Variants in GP2 observed in about 807,000 individuals in gnomAD.
GP2 encodes the protein glycoprotein 2, also known as pancreatic secretory granule membrane major glycoprotein GP2.
Under a neutral mutation model 60.8 loss-of-function variants are expected in GP2, and 58 were observed. The observed-to-expected ratio is 0.95, with a 90% CI of 0.77 to 1.19. The LOEUF (loss-of-function observed/expected upper bound fraction) is 1.19, where lower values mean the gene tolerates loss of function less well. GP2 is among the 50% of genes most tolerant of loss of function. The probability of loss-of-function intolerance (pLI) is 0.00; values close to 1 mark genes in which losing one functional copy is unlikely to be tolerated. For synonymous variants in GP2, 280 were observed against 253.4 expected, an observed-to-expected ratio of 1.10 and a Z score of -1.00; for missense variants, 647 against 667.4, an observed-to-expected ratio of 0.97 and a Z score of 0.34.
chr16:20,321,252 G>T (rs1379967590), intron 4 of GP2, among the ~76,000 whole-genome samples: 3 of 151,868 alleles, frequency 2.0e-5, no homozygotes, highest in Non-Finnish European at 4.4e-5. Context: ...TATAAAGATG[G>T]GGTTTTGCCA....
rs1284682747 is a variant in GP2 at position 20,323,989 on chromosome 16, A to T, written c.362T>A (p.Leu121Gln). Residue 121 changes from leucine to glutamine, a missense_variant, in exon 3 of 11, where the codon CTG becomes CAG. By Grantham distance (113) the Leu-to-Gln change is moderately radical. Transcript: ENST00000302555. The stretch of plus-strand genomic sequence containing the variant: ...CCCAAGGGCAGGGTGGGTCCCATTC[A>T]GCCACATGGGAGCGTCTGTCTGGCA... ...HRCQTDAPMW[L>Q]NGTHPALGDG... 1.2e-6 allele frequency: 2 copies of T among 1,613,966 alleles called. No individual in the cohort carries two copies. The highest frequency in any genetic ancestry group is 1.3e-5 in the African/African-American group (1 of 74,936).
intron 3 of GP2, chr16:20,323,483 G>GT (rs34997880): frequency 4.1e-4 from 261 of 631,228 alleles, no homozygotes; most frequent in African/African-American, 3.0e-3. Flanking sequence ...TATTTTTGCT[G>GT]TACCCCCCCC....
rs184051025 is a variant in GP2 at position 20,321,899 on chromosome 16, T to C, written c.646+970A>G. Among the ~76,000 whole-genome samples, 36 of 152,220 alleles carry C rather than the reference T, an allele frequency of 2.4e-4. 1 individual carries two copies. The highest frequency in any genetic ancestry group is 7.7e-4 in the African/African-American group (32 of 41,546). On this transcript the variant is annotated intron_variant, in intron 4 of 10. Transcript: ENST00000302555. ...CAGCTGAGACTGTCCTTGGAGCCCATCCAGGTACAGGGAGGGCCTCCTTAA... is the reference window on the plus strand; with the variant it reads ...CAGCTGAGACTGTCCTTGGAGCCCACCCAGGTACAGGGAGGGCCTCCTTAA...
At chr16:20,325,184 C>A (rs966362987) in intron 2 of GP2, among the ~76,000 whole-genome samples, 2 of 152,194 alleles carry the variant, frequency 1.3e-5, no homozygotes, top group South Asian at 2.1e-4. Flanking sequence ...GGCTGGGTGA[C>A]CTTGGCAGGT....
intron 8 of GP2, 63 bp downstream of exon 8, chr16:20,317,150 A>G: frequency 4.2e-6 from 2 of 474,578 alleles, no homozygotes; most frequent in Non-Finnish European, 3.3e-6. Context: ...TATATATGGA[A>G]AGCCTATCAG....
intron 6 of GP2, among the ~76,000 whole-genome samples, chr16:20,319,087 A>C (rs184458507): frequency 3.2e-4 from 49 of 152,156 alleles, no homozygotes; most frequent in African/African-American, 1.1e-3. Context: ...ATCTGATGCT[A>C]TTTCTGCTGG....
chr16:20,310,904 C>G lies in GP2; in HGVS notation c.*319G>C. The G allele has an allele frequency of 4.6e-6, 1 of 218,840 alleles. No individual in the cohort carries two copies. Among genetic ancestry groups the G allele is most frequent in the Non-Finnish European group, 9.2e-6 (1 of 108,206 alleles). The allele number at this position is 218,840 out of a possible 1,614,324, so 13.6% of individuals were successfully genotyped here. A position where few individuals can be genotyped will look rare whatever the true frequency, so the allele number is the denominator to read the frequency against. On this transcript the variant is annotated 3_prime_UTR_variant, in exon 11 of 11. Transcript: ENST00000302555. ...CCCGAGTAGCTGGGATTACAGGCGC[C>G]TGCCACCATGCCTGGCTAATTTTTG...
At chr16:20,327,293 G>C (rs1964561427) in intron 1 of GP2, 174 bp downstream of exon 1, 2 of 360,958 alleles carry the variant, frequency 5.5e-6, no homozygotes, top group Non-Finnish European at 1.1e-5. Flanking sequence ...CAGATGACTG[G>C]AAGCATGACT....
In GP2 at chr16:20,320,321, TCTC is replaced by T; in HGVS notation, c.796_798del (p.Glu266del). On this transcript the variant is annotated inframe_deletion, in exon 5 of 11. Transcript: ENST00000302555. ...GGGCTGGTCACAGATACCCAGTTCC[TCTC>T]CTCTGTCTGCAAGATGCTGCTGCAG... is the stretch of plus-strand genomic sequence containing the variant. 6.2e-7 allele frequency: 1 copy of T among 1,614,132 alleles called. No individual in the cohort carries two copies. Among genetic ancestry groups the T allele is most frequent in the Non-Finnish European group, 8.5e-7 (1 of 1,180,002 alleles).
chr16:20,326,866 C>A (rs898850221), intron 1 of GP2: 19 of 173,866 alleles, frequency 1.1e-4, no homozygotes, highest in Non-Finnish European at 2.1e-4. Flanking sequence ...GACTGTGGAA[C>A]CATGCCAAAC....
rs1342769061 is a variant in GP2 at position 20,327,425 on chromosome 16, AG to A, written c.-37+41del. ...CATGTCCAGTGGATCAAGATTTCCCAGGATTAGGAGGAAGCCTCCTGGGGCT... is the reference window on the plus strand; with the variant it reads ...CATGTCCAGTGGATCAAGATTTCCCAGATTAGGAGGAAGCCTCCTGGGGCT... On this transcript the variant is annotated intron_variant, in intron 1 of 10. Transcript: ENST00000302555. 11 of 1,238,222 alleles carry A rather than the reference AG, an allele frequency of 8.9e-6. No individual in the cohort carries two copies. The African/African-American group carries it at 1.7e-4, about 19-fold the overall frequency. 76.7% of individuals were successfully genotyped at this position (1,238,222 alleles called of 1,614,324 possible).
intron 10 of GP2, among the ~76,000 whole-genome samples, chr16:20,313,274 T>TCG (rs1475516615): frequency 6.6e-6 from 1 of 151,836 alleles, no homozygotes; most frequent in East Asian, 1.9e-4. Flanking sequence ...TCTCTCTCTC[T>TCG]CTCTGCGTGT....
intron 7 of GP2, among the ~76,000 whole-genome samples, chr16:20,317,764 C>T (rs1210594280): frequency 6.6e-6 from 1 of 152,176 alleles, no homozygotes; most frequent in Non-Finnish European, 1.5e-5. Context: ...CAAATATTAG[C>T]TAGGATTATT....
chr16:20,318,217 A>G lies in GP2; in HGVS notation c.1221T>C (p.Ala407=). 6.2e-7 allele frequency: 1 copy of G among 1,611,820 alleles called. No individual in the cohort carries two copies. The highest frequency in any genetic ancestry group is 1.1e-5 in the South Asian group (1 of 91,052). The change falls in exon 7 of 11, where the codon GCT becomes GCC. Residue 407 remains alanine (A), a synonymous_variant. Transcript: ENST00000302555. ...TGATGATGAAATACTTCACAAGGTCAGCCTTGTCTTCAGTGGGGGTGGCAT... is the reference window on the plus strand; with the variant it reads ...TGATGATGAAATACTTCACAAGGTCGGCCTTGTCTTCAGTGGGGGTGGCAT... ...NCYATPTEDK[A]DLVKYFIIRN... is the part of the protein sequence containing the mutation.
chr16:20,324,077 A>G lies in GP2; in HGVS notation c.274T>C (p.Trp92Arg). Residue 92 changes from tryptophan (W) to arginine (R), a missense_variant, in exon 3 of 11, where the codon TGG becomes CGG. Coordinates refer to ENST00000302555, the MANE Select transcript of GP2 (RefSeq NM_001502.4). ...CCTCCTTCCCCTACAAAGCGGTACC[A>G]GCCGCTCATGTTTTTATCGCACCCC... ...SQGCDKNMSGWYRFVGEGGVR... is the reference protein window; with the variant it reads ...SQGCDKNMSGRYRFVGEGGVR... The G allele has an allele frequency of 1.2e-6, 2 of 1,613,998 alleles. No individual in the cohort carries two copies. Among genetic ancestry groups the G allele is most frequent in the Non-Finnish European group, 1.7e-6 (2 of 1,179,844 alleles).
At chr16:20,312,613 C>G (rs187566051) in intron 10 of GP2, among the ~76,000 whole-genome samples, 1 of 151,552 alleles carries the variant, frequency 6.6e-6, no homozygotes, top group African/African-American at 2.4e-5. Flanking sequence ...ACCAGAAGGA[C>G]TGGCAGAAAG....
chr16:20,323,360 G>T, intron 3 of GP2: 1 of 718,444 alleles, frequency 1.4e-6, no homozygotes, highest in South Asian at 1.5e-5. Flanking sequence ...CCCCTAACTG[G>T]GGTAATTAGG....
In GP2 at chr16:20,324,011, G is replaced by C. The variant is rs1441236922; in HGVS notation, c.340C>G (p.Gln114Glu). 3 of 1,614,088 alleles carry C rather than the reference G, an allele frequency of 1.9e-6. No homozygotes were observed. The Admixed American group carries it at 5.0e-5, about 27-fold the overall frequency. ...TTCAGCCACATGGGAGCGTCTGTCT[G>C]GCATCGGTGCACCTGGACACAGGTC... ...SETCVQVHRC[Q>E]TDAPMWLNGT... The change falls in exon 3 of 11, where the codon CAG becomes GAG. Residue 114 changes from glutamine (Q) to glutamate (E), a missense_variant. Gln to Glu is a conservative substitution (Grantham distance 29). Coordinates refer to ENST00000302555, the MANE Select transcript of GP2 (RefSeq NM_001502.4).
chr16:20,324,620 A>C (rs1374699374), intron 2 of GP2, among the ~76,000 whole-genome samples: 1 of 152,244 alleles, frequency 6.6e-6, no homozygotes, highest in Non-Finnish European at 1.5e-5. Context: ...AACATCATTA[A>C]AATTAATAAA....
Sources: allele counts gnomAD v4.1 joint callset (sites outside exome capture counted in the v4.1 genomes callset), GRCh38; gene constraint gnomAD v4.1.1; transcripts MANE v1.5; gene names NCBI Gene and HGNC (gene_info 2026-07-23, HGNC 2026-07-21).